MAP3K13: variants seen among roughly 807,000 people sequenced by gnomAD.
The protein encoded by MAP3K13 is mitogen-activated protein kinase kinase kinase 13, also known as leucine zipper-bearing kinase.
In MAP3K13, 52 loss-of-function variants were observed where a neutral mutation model predicts 104.0. The ratio of observed to expected loss-of-function variants is 0.50; its 90% CI spans 0.40 to 0.63. The LOEUF (loss-of-function observed/expected upper bound fraction) is 0.63, where lower values mean the gene tolerates loss of function less well. Among genes scored for constraint, MAP3K13 ranks in the 20% least tolerant of loss-of-function variants. MAP3K13 has a pLI of 0.00. For missense variants in MAP3K13, 914 were observed against 1,218.5 expected (o/e 0.75, Z 3.72); for synonymous variants, 394 against 442.2 (o/e 0.89, Z 1.37).
intron 7 of MAP3K13, among the ~76,000 whole-genome samples, chr3:185,455,711 T>TAC (rs1306672030): frequency 2.3e-4 from 3 of 12,914 alleles, no homozygotes; most frequent in Non-Finnish European, 7.3e-4. Context: ...ATGAGATATA[T>TAC]ATGAGATATA....
chr3:185,466,913 A>C lies in MAP3K13; in HGVS notation c.1593A>C (p.Lys531Asn), dbSNP rs762145334. 7.4e-6 allele frequency: 12 copies of C among 1,613,870 alleles called. No homozygotes were observed. Among genetic ancestry groups the C allele is most frequent in the Non-Finnish European group, 7.6e-6 (9 of 1,179,862 alleles). The change falls in exon 10 of 14, where the codon AAA becomes AAC. Residue 531 changes from lysine to asparagine, a missense_variant. Lys to Asn is a moderately conservative substitution (Grantham distance 94). Coordinates refer to ENST00000265026, the MANE Select transcript of MAP3K13 (RefSeq NM_004721.5). ...TCATCCATCCCAATGCCATGGAGAA[A>C]CTCATGAAAAGGAAAGGAGTGCCTC... ...RPIIHPNAMEKLMKRKGVPHK... is the reference protein window; with the variant it reads ...RPIIHPNAMENLMKRKGVPHK...
chr3:185,312,370 G>C (rs1721524702), intron 2 of MAP3K13, among the ~76,000 whole-genome samples: 1 of 152,254 alleles, frequency 6.6e-6, no homozygotes, highest in Non-Finnish European at 1.5e-5. Context: ...ATCCATGCAT[G>C]TGTGTTTCAA....
chr3:185,306,432 AT>A (rs1364918691), intron 2 of MAP3K13, among the ~76,000 whole-genome samples: 1 of 152,164 alleles, frequency 6.6e-6, no homozygotes, highest in African/African-American at 2.4e-5. Context: ...CCACAGCCTT[AT>A]TAGCATCTGT....
intron 1 of MAP3K13, among the ~76,000 whole-genome samples, chr3:185,393,206 CAT>C (rs568518005): frequency 2.2e-4 from 33 of 151,762 alleles, no homozygotes; most frequent in Admixed American, 1.8e-3. Flanking sequence ...GTCATACACA[CAT>C]AAAATGAGTC....
At chr3:185,458,139 T>C (rs1716874003) in intron 7 of MAP3K13, among the ~76,000 whole-genome samples, 1 of 151,880 alleles carries the variant, frequency 6.6e-6, no homozygotes, top group African/African-American at 2.4e-5. Flanking sequence ...GAGACCGAGA[T>C]GGGTGGATCA....
chr3:185,291,783 A>G, intron 2 of MAP3K13: 1 of 1,436,792 alleles, frequency 7.0e-7, no homozygotes, highest in Non-Finnish European at 9.0e-7. Flanking sequence ...AGGGGCTAAA[A>G]TCCATTAATA....
At chr3:185,354,834 A>G (rs898558462) in intron 2 of MAP3K13, among the ~76,000 whole-genome samples, 1 of 152,172 alleles carries the variant, frequency 6.6e-6, no homozygotes, top group Non-Finnish European at 1.5e-5. Context: ...TAATCTTTGC[A>G]TTGCTACTTC....
Position 185,473,637 on chromosome 3 carries a change from A to C in MAP3K13, c.2306A>C (p.Asn769Thr), listed in dbSNP as rs1577621320. 6.2e-7 allele frequency: 1 copy of C among 1,614,094 alleles called. No individual in the cohort carries two copies. The change falls in exon 11 of 14, where the codon AAC becomes ACC. Residue 769 changes from asparagine (N) to threonine (T), a missense_variant. This residue lies in a region of MAP3K13 where 583 missense variants were observed against 737.4 expected (regional missense o/e 0.79). Transcript: ENST00000265026. This position sits in a 1 kb window ranked among gnomAD's most constrained non-coding sequence, Gnocchi z 4.9. ...CCAGCACATAATCCTCTCTTGGAAA[A>C]CGCCCAGAGTTCTGAGAAAACGGAA... ...KSPAHNPLLE[N>T]AQSSEKTEEN... is the part of the protein sequence containing the mutation.
Position 185,438,830 on chromosome 3 carries a change from T to C in MAP3K13, c.659+1200T>C, listed in dbSNP as rs1247701231. 5.9e-5 allele frequency among the ~76,000 whole-genome samples: 9 copies of C among 152,314 alleles called. No homozygotes were observed. The South Asian group carries it at 1.0e-3, about 18-fold the overall frequency. The stretch of plus-strand genomic sequence containing the variant: ...AAGAAGGTGAAGAACAGGACAAGTA[T>C]CTTTAGGTAGGATGAAAGTTTAGAA... On this transcript the variant is annotated intron_variant, in intron 3 of 13. Transcript: ENST00000265026.
intron 2 of MAP3K13, among the ~76,000 whole-genome samples, chr3:185,309,001 A>C (rs551884941): frequency 1.3e-4 from 20 of 152,112 alleles, no homozygotes; most frequent in Non-Finnish European, 2.6e-4. Flanking sequence ...AGGTCTGGGG[A>C]TTCCTATTCC....
chr3:185,330,256 T>C (rs1474366350), intron 2 of MAP3K13, among the ~76,000 whole-genome samples: 1 of 151,964 alleles, frequency 6.6e-6, no homozygotes, highest in Non-Finnish European at 1.5e-5. Context: ...ATTATTTATA[T>C]AGACGTTCAC....
chr3:185,444,343 A>T lies in MAP3K13; in HGVS notation c.851+707A>T, dbSNP rs28504147. On this transcript the variant is annotated intron_variant, in intron 4 of 13. Transcript: ENST00000265026. ...AGAGCAAGACTCTGTCTCAAAAAAA[A>T]AATAATAAAAATAAATAAATAATAA... Among the ~76,000 whole-genome samples the T allele has an allele frequency of 1.3e-3, 197 of 151,542 alleles. 1 individual carries two copies. The highest frequency in any genetic ancestry group is 4.1e-3 in the African/African-American group (170 of 41,300).
At chr3:185,399,263 A>T (rs1434574254) in intron 1 of MAP3K13, among the ~76,000 whole-genome samples, 2 of 152,100 alleles carry the variant, frequency 1.3e-5, no homozygotes, top group African/African-American at 4.8e-5. Context: ...CACCAAGCTG[A>T]GGATAAAATG....
Position 185,428,705 on chromosome 3 carries a change from C to G in MAP3K13, c.124C>G (p.Leu42Val). 6.2e-7 allele frequency: 1 copy of G among 1,614,202 alleles called. No individual in the cohort carries two copies. Among genetic ancestry groups the G allele is most frequent in the Non-Finnish European group, 8.5e-7 (1 of 1,180,024 alleles). The change falls in exon 2 of 14, where the codon CTG becomes GTG. Residue 42 changes from leucine to valine, a missense_variant. Transcript: ENST00000265026. ...TATGGGGAACCACCCTTCTCCCAAG[C>G]TGCTCGAGGACCAGCAGGAAAAGGG... The part of the protein sequence containing the change: ...TAMGNHPSPK[L>V]LEDQQEKGMV...
intron 1 of MAP3K13, among the ~76,000 whole-genome samples, chr3:185,395,315 T>C (rs887124237): frequency 2.6e-5 from 4 of 151,158 alleles, no homozygotes; most frequent in Non-Finnish European, 5.9e-5. Context: ...TCCCCTTTAT[T>C]ATTTCTCAGA....
chr3:185,317,118 C>G (rs1309586995), intron 2 of MAP3K13, among the ~76,000 whole-genome samples: 1 of 152,134 alleles, frequency 6.6e-6, no homozygotes, highest in South Asian at 2.1e-4. Flanking sequence ...TTCTGAAACA[C>G]CAATATGTTC....
At chr3:185,439,203 C>T (rs983832835) in intron 3 of MAP3K13, among the ~76,000 whole-genome samples, 2 of 152,026 alleles carry the variant, frequency 1.3e-5, no homozygotes, top group African/African-American at 4.8e-5. Context: ...AACCAGGACA[C>T]TAAGAGACAG....
At chr3:185,427,985 A>G (rs1363623287) in intron 1 of MAP3K13, among the ~76,000 whole-genome samples, 2 of 152,018 alleles carry the variant, frequency 1.3e-5, no homozygotes, top group African/African-American at 4.8e-5. Flanking sequence ...AGGCTGAGGC[A>G]GGAGAATCAC....
intron 2 of MAP3K13, among the ~76,000 whole-genome samples, chr3:185,308,457 C>A (rs1468765350): frequency 6.6e-6 from 1 of 152,134 alleles, no homozygotes; most frequent in Admixed American, 6.5e-5. Context: ...TAGGCAGTCC[C>A]CAGAAAAGCT....
Sources: allele counts gnomAD v4.1 joint callset (sites outside exome capture counted in the v4.1 genomes callset), GRCh38; gene constraint gnomAD v4.1.1; regional missense constraint gnomAD v4.1.1; non-coding constraint Gnocchi (gnomAD v3.1); transcripts MANE v1.5; gene names NCBI Gene and HGNC (gene_info 2026-07-23, HGNC 2026-07-21).